Variants in ARID1B observed in about 807,000 individuals in gnomAD.
ARID1B encodes the protein AT-rich interactive domain-containing protein 1B.
A neutral mutation model predicts 212.3 loss-of-function variants in ARID1B; 30 were observed. The ratio of observed to expected loss-of-function variants is 0.14; its 90% CI spans 0.11 to 0.19. The LOEUF is 0.19. Among genes scored for constraint, ARID1B ranks in the 10% least tolerant of loss-of-function variants. The probability of loss-of-function intolerance (pLI) is 1.00; values close to 1 mark genes in which losing one functional copy is unlikely to be tolerated. For missense variants in ARID1B, 2,891 were observed against 3,204.0 expected, an observed-to-expected ratio of 0.90 and a Z score of 2.36; for synonymous variants, 1,402 against 1,301.7, an observed-to-expected ratio of 1.08 and a Z score of -1.66.
chr6:157,032,031 A>G (rs1781045253), intron 4 of ARID1B, among the ~76,000 whole-genome samples: 1 of 152,298 alleles, frequency 6.6e-6, no homozygotes, highest in East Asian at 1.9e-4. Context: ...TCCTGACCTC[A>G]GGTGATCCTC....
At chr6:156,898,270 A>G (rs565887120) in intron 2 of ARID1B, among the ~76,000 whole-genome samples, 201 of 152,246 alleles carry the variant, frequency 1.3e-3, no homozygotes, top group African/African-American at 4.5e-3. Context: ...ACTCTCAGCA[A>G]TCAGAATAGG....
At chr6:157,062,454 T>G (rs1291378496) in intron 4 of ARID1B, among the ~76,000 whole-genome samples, 2 of 152,084 alleles carry the variant, frequency 1.3e-5, no homozygotes, top group Non-Finnish European at 1.5e-5. Flanking sequence ...CACCTTGGCC[T>G]CCCAAAAGTG....
At chr6:156,974,093 A>G (rs1777091058) in intron 4 of ARID1B, among the ~76,000 whole-genome samples, 1 of 152,342 alleles carries the variant, frequency 6.6e-6, no homozygotes, top group Admixed American at 6.5e-5. Context: ...GGAAGAAATG[A>G]AGTGAAAACT....
intron 2 of ARID1B, among the ~76,000 whole-genome samples, chr6:156,856,867 A>G (rs1245778566): frequency 6.6e-6 from 1 of 151,850 alleles, no homozygotes; most frequent in Non-Finnish European, 1.5e-5. Flanking sequence ...AAAAACTAGA[A>G]AAGTAATACA....
At chr6:156,893,340 A>G (rs1232213678) in intron 2 of ARID1B, among the ~76,000 whole-genome samples, 3 of 152,226 alleles carry the variant, frequency 2.0e-5, no homozygotes, top group Non-Finnish European at 4.4e-5. Context: ...AACTCTTAAA[A>G]GAAAACAGAG....
At chr6:157,093,269 C>T (rs1785395613) in intron 5 of ARID1B, among the ~76,000 whole-genome samples, 1 of 152,110 alleles carries the variant, frequency 6.6e-6, no homozygotes, top group South Asian at 2.1e-4. Context: ...CACCATGTTT[C>T]CTAAAAGAGA....
chr6:156,778,512 C>A lies in ARID1B; in HGVS notation c.832C>A (p.Pro278Thr). 8.1e-7 allele frequency: 1 copy of A among 1,238,982 alleles called. No homozygotes were observed. Among genetic ancestry groups the A allele is most frequent in the Non-Finnish European group, 1.0e-6 (1 of 994,710 alleles). The allele number at this position is 1,238,982 out of a possible 1,614,324, so 76.7% of individuals were successfully genotyped here. ...CGACGCGCCGCCCAAGATGGGGGAG[C>A]CGGCGGGCGGCCGCTACGAGCACCC... is the stretch of plus-strand genomic sequence containing the variant. ...EDDAPPKMGEPAGGRYEHPGL... is the reference protein window; with the variant it reads ...EDDAPPKMGETAGGRYEHPGL... The change falls in exon 1 of 20, where the codon CCG (proline) becomes ACG (threonine). Residue 278 changes from proline (P) to threonine (T), a missense_variant. Physicochemically the swap from Pro to Thr is conservative, Grantham distance 38. Coordinates refer to ENST00000636930, the MANE Select transcript of ARID1B (RefSeq NM_001374828.1).
chr6:156,920,719 G>A (rs1173612647), intron 3 of ARID1B, among the ~76,000 whole-genome samples: 2 of 152,204 alleles, frequency 1.3e-5, no homozygotes, highest in African/African-American at 4.8e-5. Context: ...TAGGCTTTTG[G>A]GAGAGGAATG....
chr6:156,971,274 A>T (rs573204640), intron 4 of ARID1B, among the ~76,000 whole-genome samples: 1 of 152,312 alleles, frequency 6.6e-6, no homozygotes, highest in Non-Finnish European at 1.5e-5. Flanking sequence ...TTCCTTATTG[A>T]TAGACAGATT....
intron 2 of ARID1B, among the ~76,000 whole-genome samples, chr6:156,853,080 G>A (rs79289331): frequency 2.0e-3 from 298 of 152,300 alleles, no homozygotes; most frequent in African/African-American, 6.8e-3. Flanking sequence ...GAATTACTAA[G>A]ACCATGGTAT....
intron 4 of ARID1B, among the ~76,000 whole-genome samples, chr6:157,055,060 G>A (rs991882405): frequency 3.3e-5 from 5 of 152,234 alleles, no homozygotes; most frequent in East Asian, 1.9e-4. Flanking sequence ...GGCATCAGCC[G>A]GGAAGTAGGG....
intron 4 of ARID1B, among the ~76,000 whole-genome samples, chr6:157,056,461 A>G (rs913205912): frequency 2.6e-5 from 4 of 152,236 alleles, no homozygotes; most frequent in Admixed American, 1.3e-4. Context: ...AACCTTTGCC[A>G]TAGAGTGAGA....
rs1562494804 is a variant in ARID1B at position 156,934,942 on chromosome 6, AT to A, written c.2137-523del. On this transcript the variant is annotated intron_variant, in intron 3 of 19. Coordinates refer to ENST00000636930, the MANE Select transcript of ARID1B (RefSeq NM_001374828.1). The stretch of plus-strand genomic sequence containing the variant: ...TATATATATATATATATATATATAT[AT>A]ATATATATATATATATATAGTTTAT... Among the ~76,000 whole-genome samples, 490 of 87,038 alleles carry A rather than the reference AT, an allele frequency of 5.6e-3. 23 individuals carry two copies. Among genetic ancestry groups the A allele is most frequent in the African/African-American group, 0.011 (274 of 24,864 alleles). 57.1% of individuals were successfully genotyped at this position (87,038 alleles called of 152,430 possible).
chr6:157,182,382 A>G (rs1702233378), intron 12 of ARID1B, among the ~76,000 whole-genome samples: 1 of 152,226 alleles, frequency 6.6e-6, no homozygotes, highest in Non-Finnish European at 1.5e-5. Context: ...TCTGGAGTCC[A>G]GCTATGCATT....
At chr6:156,818,000 C>G (rs1246343815) in intron 1 of ARID1B, among the ~76,000 whole-genome samples, 1 of 150,394 alleles carries the variant, frequency 6.6e-6, no homozygotes, top group African/African-American at 2.5e-5. Context: ...AGTCTACATT[C>G]TAATTTTGTC....
chr6:156,931,266 G>A (rs1356419308), intron 3 of ARID1B, among the ~76,000 whole-genome samples: 1 of 149,840 alleles, frequency 6.7e-6, no homozygotes, highest in Non-Finnish European at 1.5e-5. Flanking sequence ...TTTAAAAAGT[G>A]TCTTTGACGT....
intron 6 of ARID1B, chr6:157,110,776 C>A: frequency 1.7e-6 from 1 of 590,660 alleles, no homozygotes; most frequent in Non-Finnish European, 3.0e-6. Context: ...AAGTACAGTT[C>A]AAGGCCCAAA....
intron 4 of ARID1B, among the ~76,000 whole-genome samples, chr6:157,049,177 A>G (rs950445360): frequency 1.9e-4 from 28 of 148,284 alleles, no homozygotes; most frequent in African/African-American, 6.9e-4. Flanking sequence ...AGTCTGGAGA[A>G]AAAAAAAAAA....
At chr6:156,942,743 ATCC>A (rs1256771753) in intron 4 of ARID1B, 4 of 152,482 alleles carry the variant, frequency 2.6e-5, no homozygotes, top group Non-Finnish European at 4.4e-5. Flanking sequence ...TCACCCACCC[ATCC>A]TCCTCCTCCT....
Sources: gnomAD v4.1 joint callset for allele counts (sites outside exome capture counted in the v4.1 genomes callset) on GRCh38, gnomAD v4.1.1 for gene constraint, MANE v1.5 for transcripts, NCBI Gene and HGNC (gene_info 2026-07-23, HGNC 2026-07-21) for gene names.